The following PDK1 variants were observed in gnomAD, a reference collection of about 807,000 sequenced individuals.
PDK1 encodes [Pyruvate dehydrogenase (acetyl-transferring)] kinase isozyme 1, mitochondrial.
Under a neutral mutation model 54.2 loss-of-function variants are expected in PDK1, and 39 were observed. The observed-to-expected ratio is 0.72, with a 90% CI of 0.56 to 0.94. PDK1 has a LOEUF of 0.94. Among genes scored for constraint, PDK1 ranks in the 40% least tolerant of loss-of-function variants. PDK1 has a pLI of 0.00. For missense variants in PDK1, 552 were observed against 566.0 expected (o/e 0.98, Z 0.25); for synonymous variants, 221 against 207.1 (o/e 1.07, Z -0.58).
the PDK1 span, among the ~76,000 whole-genome samples, chr2:172,646,794 A>T: frequency 7.4e-6 from 1 of 135,924 alleles, no homozygotes; most frequent in Non-Finnish European, 1.5e-5. Context: ...CTGGAGTGCA[A>T]TGGCACGATC....
rs112819591 is a variant in PDK1, at chr2:172,589,128, A to G, written c.1056+2740A>G. ...AAGCCCTATGAGTCAGCCCATAAGT[A>G]TGGTCAAGAGAGAGCACGTGGTAAA... On this transcript the variant is annotated intron_variant, in intron 9 of 10. Coordinates refer to ENST00000282077, the MANE Select transcript of PDK1 (RefSeq NM_002610.5). Among the ~76,000 whole-genome samples the G allele has an allele frequency of 1.8e-3, 281 of 152,310 alleles. 2 individuals carry two copies. Among genetic ancestry groups the G allele is most frequent in the Non-Finnish European group, 2.0e-3 (136 of 68,026 alleles).
At chr2:172,620,156 G>A in the PDK1 span, among the ~76,000 whole-genome samples, 2 of 152,178 alleles carry the variant, frequency 1.3e-5, no homozygotes, top group African/African-American at 4.8e-5. Flanking sequence ...ACAGAGTGAG[G>A]CCCTGTCTCA....
chr2:172,620,071 C>G, the PDK1 span, among the ~76,000 whole-genome samples: 1 of 152,292 alleles, frequency 6.6e-6, no homozygotes, highest in African/African-American at 2.4e-5. Flanking sequence ...GAGGCTGAGG[C>G]AGGAGAATTG....
At chr2:172,680,506 C>A in the PDK1 span, among the ~76,000 whole-genome samples, 1 of 152,054 alleles carries the variant, frequency 6.6e-6, no homozygotes, top group South Asian at 2.1e-4. Flanking sequence ...CATGCACCAC[C>A]ATGCCCACTA....
chr2:172,694,230 A>C, the PDK1 span, among the ~76,000 whole-genome samples: 2 of 152,204 alleles, frequency 1.3e-5, no homozygotes, highest in African/African-American at 4.8e-5. Context: ...TGCTTCCTTT[A>C]AGTAAGGCTC....
chr2:172,598,088 T>G lies in PDK1; in HGVS notation c.*2119T>G, dbSNP rs1195022215. The G allele has an allele frequency of 6.6e-6, 1 of 152,190 alleles. No homozygotes were observed. The highest frequency in any genetic ancestry group is 2.1e-4 in the South Asian group (1 of 4,830). 9.4% of individuals were successfully genotyped at this position (152,190 alleles called of 1,614,324 possible). ...GGATTTTGTGAAAAACAATAGAACA[T>G]GTTAATGAGTAATTTATATTAGTTC... is the stretch of plus-strand genomic sequence containing the variant. On this transcript the variant is annotated 3_prime_UTR_variant, in exon 11 of 11. Transcript: ENST00000282077.
At chr2:172,693,037 T>C in the PDK1 span, among the ~76,000 whole-genome samples, 3 of 152,224 alleles carry the variant, frequency 2.0e-5, no homozygotes, top group Admixed American at 6.5e-5. Flanking sequence ...GACAGAGGTG[T>C]CTACCTGACC....
At chr2:172,560,105 A>T (rs931031945) in intron 2 of PDK1, among the ~76,000 whole-genome samples, 1 of 152,162 alleles carries the variant, frequency 6.6e-6, no homozygotes, top group African/African-American at 2.4e-5. Context: ...TGGGCCTCTC[A>T]AAGTGCAGGG....
chr2:172,560,621 A>G (rs6752386), intron 2 of PDK1, among the ~76,000 whole-genome samples: 41,104 of 152,096 alleles, frequency 0.27, 6,960 homozygotes, highest in African/African-American at 0.48. Flanking sequence ...ATATGAAAGG[A>G]TATATGTATT....
the PDK1 span, among the ~76,000 whole-genome samples, chr2:172,642,536 CT>C: frequency 6.6e-6 from 1 of 152,212 alleles, no homozygotes; most frequent in Admixed American, 6.5e-5. Flanking sequence ...GAATCACAAA[CT>C]CAGCGTGGGA....
the PDK1 span, among the ~76,000 whole-genome samples, chr2:172,686,262 C>G: frequency 6.6e-6 from 1 of 152,166 alleles, no homozygotes; most frequent in Non-Finnish European, 1.5e-5. Flanking sequence ...AGAAGTGAAG[C>G]CAGCTGGATT....
the PDK1 span, among the ~76,000 whole-genome samples, chr2:172,670,269 A>G: frequency 6.6e-6 from 1 of 152,226 alleles, no homozygotes; most frequent in Non-Finnish European, 1.5e-5. Context: ...AAAAATAACC[A>G]TGACCTAAAA....
chr2:172,631,055 T>C, the PDK1 span, among the ~76,000 whole-genome samples: 7 of 152,382 alleles, frequency 4.6e-5, no homozygotes, highest in East Asian at 7.7e-4. Flanking sequence ...CATTTGGAAG[T>C]CATCTTTATA....
In PDK1 at chr2:172,601,976, A is replaced by C. The variant is rs886673448; in HGVS notation, c.*6007A>C. 2 of 152,222 alleles carry C rather than the reference A, an allele frequency of 1.3e-5. No homozygotes were observed. Among genetic ancestry groups the C allele is most frequent in the Admixed American group, 1.3e-4 (2 of 15,274 alleles). The allele number at this position is 152,222 out of a possible 1,614,324, so 9.4% of individuals were successfully genotyped here. On this transcript the variant is annotated 3_prime_UTR_variant, in exon 11 of 11. Transcript: ENST00000282077. ...TAGGAAAACAGTAGAAGATCCATCT[A>C]AGATTTTGACAATTTAAATCAACCA... is the stretch of plus-strand genomic sequence containing the variant.
intron 8 of PDK1, among the ~76,000 whole-genome samples, chr2:172,576,559 T>C (rs1198157718): frequency 6.6e-6 from 1 of 151,910 alleles, no homozygotes; most frequent in Non-Finnish European, 1.5e-5. Context: ...TTTGCTCCTG[T>C]TTTTCTAGTT....
the PDK1 span, among the ~76,000 whole-genome samples, chr2:172,713,669 G>A: frequency 3.9e-5 from 6 of 152,234 alleles, no homozygotes; most frequent in Non-Finnish European, 5.9e-5. Flanking sequence ...CAGGCAACGC[G>A]GGCAGGCACT....
At chr2:172,698,799 G>A in the PDK1 span, among the ~76,000 whole-genome samples, 1 of 152,192 alleles carries the variant, frequency 6.6e-6, no homozygotes, top group Admixed American at 6.5e-5. Flanking sequence ...CAACACGCAT[G>A]CCCAGGGCCT....
intron 8 of PDK1, among the ~76,000 whole-genome samples, chr2:172,574,711 AT>A (rs1324766913): frequency 1.3e-5 from 2 of 152,062 alleles, no homozygotes; most frequent in East Asian, 3.8e-4. Flanking sequence ...TATTAATTCC[AT>A]TTTTTGGATT....
At chr2:172,642,306 CTT>C in the PDK1 span, among the ~76,000 whole-genome samples, 1 of 152,130 alleles carries the variant, frequency 6.6e-6, no homozygotes, top group Non-Finnish European at 1.5e-5. Flanking sequence ...AGTTTAATCT[CTT>C]GTGTGGGTAC....
Sources: allele counts gnomAD v4.1 joint callset (sites outside exome capture counted in the v4.1 genomes callset), GRCh38; gene constraint gnomAD v4.1.1; transcripts MANE v1.5; gene names NCBI Gene and HGNC (gene_info 2026-07-23, HGNC 2026-07-21).